VEGFC: variants seen among roughly 807,000 people sequenced by gnomAD.
The protein encoded by VEGFC is vascular endothelial growth factor C.
Under a neutral mutation model 46.1 loss-of-function variants are expected in VEGFC, and 12 were observed. The observed-to-expected ratio is 0.26, with a 90% CI of 0.17 to 0.42. The LOEUF is 0.42. Ranked by LOEUF, VEGFC falls within the 10% of genes least tolerant of loss-of-function variation. The probability of loss-of-function intolerance (pLI) is 1.00; values close to 1 mark genes in which losing one functional copy is unlikely to be tolerated. For missense variants in VEGFC, 488 were observed against 529.4 expected, an observed-to-expected ratio of 0.92 and a Z score of 0.77; for synonymous variants, 232 against 195.5, an observed-to-expected ratio of 1.19 and a Z score of -1.56.
intron 1 of VEGFC, among the ~76,000 whole-genome samples, chr4:176,763,454 T>C (rs139557749): frequency 6.6e-6 from 1 of 152,196 alleles, no homozygotes; most frequent in Non-Finnish European, 1.5e-5. Flanking sequence ...AGAACATCAT[T>C]CCAATTACAT....
intron 1 of VEGFC, among the ~76,000 whole-genome samples, chr4:176,785,852 G>T (rs1458846358): frequency 3.9e-5 from 6 of 152,294 alleles, no homozygotes; most frequent in East Asian, 3.9e-4. Flanking sequence ...CTGTGTATGT[G>T]TATCTAAGCA....
intron 1 of VEGFC, among the ~76,000 whole-genome samples, chr4:176,781,438 A>G (rs1242991207): frequency 6.6e-6 from 1 of 152,262 alleles, no homozygotes; most frequent in Non-Finnish European, 1.5e-5. Context: ...AAAAGAAAGA[A>G]TTAAAAATAT....
intron 1 of VEGFC, among the ~76,000 whole-genome samples, chr4:176,762,681 T>C (rs1207762393): frequency 6.6e-6 from 1 of 152,218 alleles, no homozygotes; most frequent in Non-Finnish European, 1.5e-5. Context: ...TGTACTTCCA[T>C]ATGTTTAAAC....
chr4:176,787,967 T>G (rs777503444), intron 1 of VEGFC, among the ~76,000 whole-genome samples: 1 of 152,228 alleles, frequency 6.6e-6, no homozygotes, highest in Non-Finnish European at 1.5e-5. Context: ...TAGACCCATA[T>G]AGTATTTATA....
intron 1 of VEGFC, among the ~76,000 whole-genome samples, chr4:176,752,606 C>T (rs951314623): frequency 3.3e-5 from 5 of 152,082 alleles, no homozygotes; most frequent in Non-Finnish European, 7.4e-5. Flanking sequence ...AAGATGAAGA[C>T]ATCCTCTGAT....
At chr4:176,719,747 A>T (rs980356216) in intron 3 of VEGFC, among the ~76,000 whole-genome samples, 1 of 152,104 alleles carries the variant, frequency 6.6e-6, no homozygotes, top group Non-Finnish European at 1.5e-5. Context: ...TACCACATGC[A>T]CTTGTCTAAC....
At chr4:176,783,743 G>A (rs1382728580) in intron 1 of VEGFC, among the ~76,000 whole-genome samples, 1 of 152,166 alleles carries the variant, frequency 6.6e-6, no homozygotes, top group Non-Finnish European at 1.5e-5. Context: ...CAGAACTACA[G>A]TATGTAGCCT....
rs375957104 is a variant in VEGFC, at chr4:176,687,540, A to G, written c.812-20T>C. ...TTGAGTCTAGACAAATAGTCAGAGAATCTTTACTATACCTTACTTGGTTCT... is the reference window on the plus strand; with the variant it reads ...TTGAGTCTAGACAAATAGTCAGAGAGTCTTTACTATACCTTACTTGGTTCT... On this transcript the variant is annotated intron_variant, in intron 5 of 6. Transcript: ENST00000618562. 1 of 1,543,700 alleles carries G rather than the reference A, an allele frequency of 6.5e-7. No individual in the cohort carries two copies. Among genetic ancestry groups the G allele is most frequent in the South Asian group, 1.2e-5 (1 of 81,498 alleles).
intron 3 of VEGFC, among the ~76,000 whole-genome samples, chr4:176,723,724 G>T (rs1349977675): frequency 6.7e-6 from 1 of 149,790 alleles, no homozygotes; most frequent in African/African-American, 2.5e-5. Flanking sequence ...AGGTTTGGGG[G>T]TGCATGTGCA....
chr4:176,735,434 C>A lies in VEGFC; in HGVS notation c.148-5688G>T, dbSNP rs193037952. ...CATTCTGACTCATCGGTCTTTGAAC[C>A]GATAAGTTTCACTATTCACACATAA... On this transcript the variant is annotated intron_variant, in intron 1 of 6. Transcript: ENST00000618562. Among the ~76,000 whole-genome samples the A allele has an allele frequency of 3.5e-3, 528 of 151,642 alleles. 2 individuals carry two copies. The highest frequency in any genetic ancestry group is 5.7e-3 in the Admixed American group (86 of 15,152).
At chr4:176,724,810 A>T (rs1734845285) in intron 3 of VEGFC, among the ~76,000 whole-genome samples, 1 of 152,184 alleles carries the variant, frequency 6.6e-6, no homozygotes, top group Non-Finnish European at 1.5e-5. Flanking sequence ...AGGTTGTGAT[A>T]AAGATGTGGT....
intron 4 of VEGFC, among the ~76,000 whole-genome samples, chr4:176,696,356 C>A (rs1178229933): frequency 6.6e-6 from 1 of 151,010 alleles, no homozygotes; most frequent in African/African-American, 2.4e-5. Flanking sequence ...AAACAGAGAG[C>A]CAAATCATGA....
intron 4 of VEGFC, among the ~76,000 whole-genome samples, chr4:176,688,899 A>G (rs565394903): frequency 6.6e-6 from 1 of 152,202 alleles, no homozygotes; most frequent in Admixed American, 6.5e-5. Flanking sequence ...TTTAGAGGCT[A>G]TCATTTGAGA....
chr4:176,700,184 A>G (rs1734402131), intron 4 of VEGFC, among the ~76,000 whole-genome samples: 1 of 152,260 alleles, frequency 6.6e-6, no homozygotes, highest in African/African-American at 2.4e-5. Context: ...TGGGAGGTCG[A>G]GATGGGCAGA....
At chr4:176,714,354 A>C (rs1209455081) in intron 3 of VEGFC, among the ~76,000 whole-genome samples, 1 of 152,136 alleles carries the variant, frequency 6.6e-6, no homozygotes, top group Non-Finnish European at 1.5e-5. Context: ...GCCCCCTTCC[A>C]CCAAGATTGC....
chr4:176,722,796 A>G (rs577513137), intron 3 of VEGFC, among the ~76,000 whole-genome samples: 13 of 152,172 alleles, frequency 8.5e-5, no homozygotes, highest in African/African-American at 3.1e-4. Flanking sequence ...CACAGTGCCC[A>G]GCGAAGCCTT....
chr4:176,761,104 A>C (rs932913095), intron 1 of VEGFC, among the ~76,000 whole-genome samples: 2 of 152,246 alleles, frequency 1.3e-5, no homozygotes, highest in African/African-American at 2.4e-5. Context: ...AATATTTAAA[A>C]AAGTATATGA....
chr4:176,785,997 T>C (rs72641714), intron 1 of VEGFC, among the ~76,000 whole-genome samples: 107,179 of 151,592 alleles, frequency 0.71, 43,862 homozygotes, highest in East Asian at 0.99. Flanking sequence ...TAATCACCAC[T>C]ATCATCGCCA....
At chr4:176,741,182 G>C (rs1481588041) in intron 1 of VEGFC, among the ~76,000 whole-genome samples, 1 of 151,784 alleles carries the variant, frequency 6.6e-6, no homozygotes, top group African/African-American at 2.4e-5. Flanking sequence ...TACAACACAG[G>C]GAAGATTATG....
Sources: allele counts gnomAD v4.1 joint callset (sites outside exome capture counted in the v4.1 genomes callset), GRCh38; gene constraint gnomAD v4.1.1; transcripts MANE v1.5; gene names NCBI Gene and HGNC (gene_info 2026-07-23, HGNC 2026-07-21).